Variants in TANGO6 observed in about 807,000 individuals in gnomAD.
TANGO6 encodes the protein transport and Golgi organization protein 6 homolog.
TANGO6 carries 90 observed loss-of-function variants against 114.2 expected under a neutral mutation model. That is an observed-to-expected ratio of 0.79 (90% CI 0.66 to 0.94). The LOEUF is 0.94. Among genes scored for constraint, TANGO6 ranks in the 40% least tolerant of loss-of-function variants. The pLI, the probability that TANGO6 is intolerant of heterozygous loss-of-function variation, is 0.00. For synonymous variants in TANGO6, 477 were observed against 509.8 expected, an observed-to-expected ratio of 0.94 and a Z score of 0.87; for missense variants, 1,274 against 1,315.3, an observed-to-expected ratio of 0.97 and a Z score of 0.49.
intron 15 of TANGO6, among the ~76,000 whole-genome samples, chr16:69,018,650 G>C (rs1959347883): frequency 6.6e-6 from 1 of 151,446 alleles, no homozygotes; most frequent in African/African-American, 2.4e-5. Context: ...TTTGCCGGGC[G>C]CGGTGGCTCA....
chr16:68,951,210 C>T (rs1963467896), intron 14 of TANGO6, among the ~76,000 whole-genome samples: 1 of 151,818 alleles, frequency 6.6e-6, no homozygotes, highest in African/African-American at 2.4e-5. Flanking sequence ...ATAGTCCCAG[C>T]TACTCTGGAG....
At chr16:68,964,386 C>G (rs1963623804) in intron 14 of TANGO6, among the ~76,000 whole-genome samples, 1 of 151,860 alleles carries the variant, frequency 6.6e-6, no homozygotes, top group Admixed American at 6.6e-5. Context: ...AGTTTCCCTC[C>G]CCAGAAATAA....
At chr16:68,986,798 A>T (rs1963895960) in intron 15 of TANGO6, among the ~76,000 whole-genome samples, 1 of 152,036 alleles carries the variant, frequency 6.6e-6, no homozygotes, top group Non-Finnish European at 1.5e-5. Context: ...CCAGCTACTC[A>T]GGAGGCTGAG....
At chr16:69,066,303 T>C (rs1960212389) in intron 17 of TANGO6, among the ~76,000 whole-genome samples, 1 of 152,154 alleles carries the variant, frequency 6.6e-6, no homozygotes, top group African/African-American at 2.4e-5. Flanking sequence ...TTTATTTATT[T>C]ATTTATTTTG....
chr16:68,852,010 T>G (rs1482185808), intron 1 of TANGO6, among the ~76,000 whole-genome samples: 1 of 152,250 alleles, frequency 6.6e-6, no homozygotes, highest in Non-Finnish European at 1.5e-5. Context: ...TTATACTCTT[T>G]GTTCACATTC....
intron 16 of TANGO6, among the ~76,000 whole-genome samples, chr16:69,027,261 C>CT (rs1363076977): frequency 2.0e-5 from 3 of 152,122 alleles, no homozygotes; most frequent in African/African-American, 7.2e-5. Context: ...TATGGTATTT[C>CT]CTGATTCTTG....
intron 14 of TANGO6, among the ~76,000 whole-genome samples, chr16:68,942,109 C>G (rs1177130619): frequency 6.6e-6 from 1 of 152,110 alleles, no homozygotes; most frequent in Non-Finnish European, 1.5e-5. Flanking sequence ...GCAGGTGGAT[C>G]ACCTGAGGTA....
At chr16:68,870,155 G>A (rs754083029) in intron 4 of TANGO6, among the ~76,000 whole-genome samples, 2 of 152,156 alleles carry the variant, frequency 1.3e-5, no homozygotes, top group Non-Finnish European at 2.9e-5. Context: ...GAGGAATCAC[G>A]GAGGCTTGGA....
chr16:69,003,433 G>A (rs1434932081), intron 15 of TANGO6, among the ~76,000 whole-genome samples: 2 of 152,222 alleles, frequency 1.3e-5, no homozygotes, highest in Non-Finnish European at 2.9e-5. Flanking sequence ...TAGCTACTGA[G>A]CTACAGCAGA....
At chr16:68,884,780 G>A (rs1962516765) in intron 7 of TANGO6, among the ~76,000 whole-genome samples, 1 of 152,126 alleles carries the variant, frequency 6.6e-6, no homozygotes, top group South Asian at 2.1e-4. Flanking sequence ...GAGAGATCTG[G>A]AAATAATGAA....
chr16:69,000,976 G>A (rs1019618574), intron 15 of TANGO6, among the ~76,000 whole-genome samples: 9 of 152,058 alleles, frequency 5.9e-5, no homozygotes, highest in African/African-American at 9.7e-5. Context: ...ACTTGTTTAA[G>A]CCTTTAGTTT....
intron 14 of TANGO6, among the ~76,000 whole-genome samples, chr16:68,961,635 G>GT (rs1159630039): frequency 4.6e-5 from 7 of 152,142 alleles, no homozygotes; most frequent in Admixed American, 2.0e-4. Flanking sequence ...TTATTCACGT[G>GT]TTTTTACTTT....
intron 14 of TANGO6, among the ~76,000 whole-genome samples, chr16:68,962,032 T>C (rs1963597746): frequency 6.6e-6 from 1 of 152,318 alleles, no homozygotes; most frequent in South Asian, 2.1e-4. Context: ...CTGTTCACAG[T>C]TAACAAAACT....
intron 17 of TANGO6, among the ~76,000 whole-genome samples, chr16:69,075,164 C>T (rs1004751905): frequency 2.7e-5 from 4 of 150,784 alleles, no homozygotes; most frequent in Non-Finnish European, 5.9e-5. Flanking sequence ...TTTTTTCCTT[C>T]CAAAGTCTGC....
chr16:68,859,558 T>A (rs74025326), intron 1 of TANGO6, among the ~76,000 whole-genome samples: 16,654 of 152,242 alleles, frequency 0.11, 928 homozygotes, highest in Non-Finnish European at 0.13. Flanking sequence ...TCAGCTTTTA[T>A]ATTTCTGTTC....
intron 15 of TANGO6, among the ~76,000 whole-genome samples, chr16:69,014,094 CA>C (rs1196681674): frequency 1.3e-5 from 2 of 152,162 alleles, no homozygotes; most frequent in African/African-American, 4.8e-5. Context: ...CTTTTGGCTG[CA>C]AGTAACAGAA....
chr16:69,031,681 A>G (rs1296736780), intron 16 of TANGO6, among the ~76,000 whole-genome samples: 1 of 151,060 alleles, frequency 6.6e-6, no homozygotes. Flanking sequence ...TTTTTGATAC[A>G]GAGTTTTGCT....
intron 15 of TANGO6, among the ~76,000 whole-genome samples, chr16:69,018,137 C>CTGTTTTTTT: frequency 1.0e-5 from 1 of 96,154 alleles, no homozygotes; most frequent in Non-Finnish European, 2.2e-5. Context: ...CGTTGGAAAT[C>CTGTTTTTTT]TCTTTTTTTT....
At chr16:68,936,344 T>C (rs1597028099) in intron 14 of TANGO6, among the ~76,000 whole-genome samples, 1 of 152,324 alleles carries the variant, frequency 6.6e-6, no homozygotes, top group South Asian at 2.1e-4. Context: ...TATTTCTTTT[T>C]TTCTTTTTTT....
Sources: gnomAD v4.1 joint callset for allele counts (sites outside exome capture counted in the v4.1 genomes callset) on GRCh38, gnomAD v4.1.1 for gene constraint, MANE v1.5 for transcripts, NCBI Gene and HGNC (gene_info 2026-07-23, HGNC 2026-07-21) for gene names.